Variants in NAV3 observed in about 807,000 individuals in gnomAD.
The protein encoded by NAV3 is pore membrane and/or filament interacting like protein 1.
In NAV3, 87 loss-of-function variants were observed where a neutral mutation model predicts 244.7. That is an observed-to-expected ratio of 0.36 (90% CI 0.30 to 0.42). The LOEUF (loss-of-function observed/expected upper bound fraction) is 0.42, where lower values mean the gene tolerates loss of function less well. Among genes scored for constraint, NAV3 ranks in the 20% least tolerant of loss-of-function variants. The pLI is 1.00. For synonymous variants in NAV3, 1,126 were observed against 1,042.2 expected (o/e 1.08, Z -1.55); for missense variants, 2,663 against 2,893.3 (o/e 0.92, Z 1.83).
chr12:78,113,723 T>C lies in NAV3; in HGVS notation c.2637-3049T>C, dbSNP rs118184633. 3.9e-3 allele frequency among the ~76,000 whole-genome samples: 590 copies of C among 152,334 alleles called. 1 individual carries two copies. The highest frequency in any genetic ancestry group is 6.0e-3 in the Non-Finnish European group (411 of 68,032). ...TGCCACAAAACTGTCTGACATGCCTTGGAGACATTTTCCCTATTGTCTTAT... is the reference window on the plus strand; with the variant it reads ...TGCCACAAAACTGTCTGACATGCCTCGGAGACATTTTCCCTATTGTCTTAT... On this transcript the variant is annotated intron_variant, in intron 12 of 39. Coordinates refer to ENST00000397909, the MANE Select transcript of NAV3 (RefSeq NM_001024383.2).
intron 2 of NAV3, among the ~76,000 whole-genome samples, chr12:77,611,993 T>C (rs1020090083): frequency 8.5e-5 from 13 of 152,082 alleles, no homozygotes; most frequent in African/African-American, 3.1e-4. Context: ...GTGCCAGATA[T>C]CTGGGGAAGT....
At chr12:77,794,829 C>A (rs186204037) in intron 2 of NAV3, among the ~76,000 whole-genome samples, 15 of 152,166 alleles carry the variant, frequency 9.9e-5, no homozygotes, top group Non-Finnish European at 8.8e-5. Flanking sequence ...CAGCACAAAT[C>A]GTGCTCATAA....
At chr12:78,170,569 C>T (rs1321328341) in intron 24 of NAV3, among the ~76,000 whole-genome samples, 1 of 151,704 alleles carries the variant, frequency 6.6e-6, no homozygotes, top group African/African-American at 2.4e-5. Context: ...AATACAGACT[C>T]CTCAGCATGA....
intron 2 of NAV3, among the ~76,000 whole-genome samples, chr12:77,588,729 A>T (rs774318214): frequency 6.6e-6 from 1 of 152,236 alleles, no homozygotes; most frequent in African/African-American, 2.4e-5. Flanking sequence ...GCAAGTACTT[A>T]TAAAGAAAGT....
At chr12:77,829,473 A>G (rs1873366563), upstream of NAV3, among the ~76,000 whole-genome samples, 1 of 152,204 alleles carries the variant, frequency 6.6e-6, no homozygotes, top group South Asian at 2.1e-4. Context: ...CATTGTGAGG[A>G]TTACAAGTTG....
chr12:78,156,331 T>C (rs1957304299), intron 22 of NAV3, among the ~76,000 whole-genome samples: 1 of 152,054 alleles, frequency 6.6e-6, no homozygotes, highest in Non-Finnish European at 1.5e-5. Flanking sequence ...AACATAATCA[T>C]AACATACATT....
intron 2 of NAV3, among the ~76,000 whole-genome samples, chr12:77,637,665 C>T (rs1466907558): frequency 6.6e-6 from 1 of 152,090 alleles, no homozygotes; most frequent in Non-Finnish European, 1.5e-5. Context: ...GCAAGTACAG[C>T]TTTTGAATTT....
chr12:77,681,587 C>T (rs1340128780), intron 2 of NAV3, among the ~76,000 whole-genome samples: 1 of 152,162 alleles, frequency 6.6e-6, no homozygotes, highest in African/African-American at 2.4e-5. Flanking sequence ...GAACCACAAA[C>T]CGTGCAGTGT....
intron 18 of NAV3, chr12:78,130,909 G>A (rs57098500): frequency 1.6e-5 from 3 of 182,244 alleles, no homozygotes; most frequent in African/African-American, 4.7e-5. Context: ...AAATACATCT[G>A]TGTTGGCCAG....
chr12:78,053,232 T>TAA (rs1282971891), intron 11 of NAV3, among the ~76,000 whole-genome samples: 1 of 149,846 alleles, frequency 6.7e-6, no homozygotes, highest in Non-Finnish European at 1.5e-5. Flanking sequence ...TATATATATA[T>TAA]AATATATATA....
intron 16 of NAV3, among the ~76,000 whole-genome samples, chr12:78,125,238 A>G (rs1309289787): frequency 6.6e-6 from 1 of 152,222 alleles, no homozygotes; most frequent in Non-Finnish European, 1.5e-5. Context: ...TTAATTAGCG[A>G]TATATAATAA....
chr12:77,871,696 AT>A (rs1880991263), intron 1 of NAV3, among the ~76,000 whole-genome samples: 2 of 152,158 alleles, frequency 1.3e-5, no homozygotes, highest in African/African-American at 4.8e-5. Context: ...ATTGATGGGC[AT>A]TTGGGTTGGT....
intron 12 of NAV3, among the ~76,000 whole-genome samples, chr12:78,107,020 C>T (rs1954835993): frequency 6.6e-6 from 1 of 152,172 alleles, no homozygotes; most frequent in African/African-American, 2.4e-5. Flanking sequence ...CCACAGTACC[C>T]TATCCAAACA....
At chr12:77,968,840 A>G (rs1892744031) in intron 5 of NAV3, 138 bp downstream of exon 5, 6 of 824,464 alleles carry the variant, frequency 7.3e-6, no homozygotes, top group Non-Finnish European at 1.9e-6. Context: ...GACTTGTGTA[A>G]TAGAAACTAA....
At chr12:77,584,888 G>A (rs768111614) in intron 2 of NAV3, among the ~76,000 whole-genome samples, 7 of 152,128 alleles carry the variant, frequency 4.6e-5, no homozygotes, top group Non-Finnish European at 8.8e-5. Context: ...GTCAAATTCT[G>A]TTTAAGTTTT....
intron 1 of NAV3, among the ~76,000 whole-genome samples, chr12:77,846,948 T>C (rs1051880366): frequency 3.9e-5 from 6 of 152,204 alleles, no homozygotes; most frequent in Non-Finnish European, 8.8e-5. Context: ...AACAAACATG[T>C]CTTAGTTCCA....
chr12:77,853,330 T>G (rs1315305005), intron 1 of NAV3, among the ~76,000 whole-genome samples: 1 of 152,228 alleles, frequency 6.6e-6, no homozygotes, highest in Non-Finnish European at 1.5e-5. Flanking sequence ...GTAGTGAGCC[T>G]CTTTCCTTAA....
At chr12:77,663,035 A>G (rs1873536469) in intron 2 of NAV3, among the ~76,000 whole-genome samples, 1 of 152,228 alleles carries the variant, frequency 6.6e-6, no homozygotes, top group Non-Finnish European at 1.5e-5. Context: ...TTACAACAAT[A>G]ATACATCTAT....
intron 2 of NAV3, among the ~76,000 whole-genome samples, chr12:77,609,372 A>G (rs745553687): frequency 6.6e-6 from 1 of 152,086 alleles, no homozygotes; most frequent in Non-Finnish European, 1.5e-5. Flanking sequence ...TATTACCTGG[A>G]GAATTTTTTT....
Sources: gnomAD v4.1 joint callset for allele counts (sites outside exome capture counted in the v4.1 genomes callset) on GRCh38, gnomAD v4.1.1 for gene constraint, MANE v1.5 for transcripts, NCBI Gene and HGNC (gene_info 2026-07-23, HGNC 2026-07-21) for gene names.